Variants in CACNA1E observed in about 807,000 individuals in gnomAD.
The protein encoded by CACNA1E is calcium voltage-gated channel subunit alpha1 E.
In CACNA1E, 40 loss-of-function variants were observed where a neutral mutation model predicts 259.2. The observed-to-expected ratio is 0.15, with a 90% CI of 0.12 to 0.20. CACNA1E has a LOEUF of 0.20. CACNA1E is among the 10% of genes least tolerant of loss of function. The pLI, the probability that CACNA1E is intolerant of heterozygous loss-of-function variation, is 1.00. For synonymous variants in CACNA1E, 1,104 were observed against 1,138.5 expected, an observed-to-expected ratio of 0.97 and a Z score of 0.61; for missense variants, 1,874 against 3,040.1, an observed-to-expected ratio of 0.62 and a Z score of 9.02.
chr1:181,487,221 C>T (rs762863624), intron 1 of CACNA1E, among the ~76,000 whole-genome samples: 1 of 152,104 alleles, frequency 6.6e-6, no homozygotes, highest in East Asian at 1.9e-4. Context: ...TTCTATGTGC[C>T]GCATTAGTGG....
intron 6 of CACNA1E, among the ~76,000 whole-genome samples, chr1:181,635,270 G>A (rs1490602131): frequency 6.6e-6 from 1 of 152,174 alleles, no homozygotes; most frequent in African/African-American, 2.4e-5. Context: ...GGTCATCCTA[G>A]AGAAGGGGTT....
At chr1:181,578,240 G>C (rs1049365273) in intron 4 of CACNA1E, among the ~76,000 whole-genome samples, 1 of 152,044 alleles carries the variant, frequency 6.6e-6, no homozygotes, top group African/African-American at 2.4e-5. Context: ...CCTGAAATAA[G>C]TATTTTATTT....
At chr1:181,757,808 G>A in intron 30 of CACNA1E, 139 bp from the exon 31 acceptor site, 1 of 830,740 alleles carries the variant, frequency 1.2e-6, no homozygotes, top group African/African-American at 1.7e-5. Flanking sequence ...TTGTCCAAGT[G>A]ACCCCAGTTG....
At chr1:181,382,568 G>C (rs1232392917) in intron 1 of CACNA1E, among the ~76,000 whole-genome samples, 1 of 152,142 alleles carries the variant, frequency 6.6e-6, no homozygotes, top group Non-Finnish European at 1.5e-5. Context: ...GAATCTTGTT[G>C]ATGACCAAAT....
intron 3 of CACNA1E, among the ~76,000 whole-genome samples, chr1:181,563,468 A>G (rs1234155956): frequency 6.6e-6 from 1 of 152,166 alleles, no homozygotes; most frequent in Non-Finnish European, 1.5e-5. Context: ...CAACACTATG[A>G]GAAAGTAGAA....
intron 1 of CACNA1E, among the ~76,000 whole-genome samples, chr1:181,326,430 C>T (rs1650800772): frequency 6.6e-6 from 1 of 152,202 alleles, no homozygotes; most frequent in Admixed American, 6.5e-5. Context: ...GAGAGCGGAA[C>T]AGCCCTGAGA....
chr1:181,650,653 A>G (rs1459963158), intron 6 of CACNA1E, among the ~76,000 whole-genome samples: 1 of 152,224 alleles, frequency 6.6e-6, no homozygotes, highest in Non-Finnish European at 1.5e-5. Flanking sequence ...TGACCATTCA[A>G]GGGTCTTGCA....
intron 3 of CACNA1E, among the ~76,000 whole-genome samples, chr1:181,516,245 G>A (rs1423508577): frequency 6.6e-6 from 1 of 151,842 alleles, no homozygotes; most frequent in Non-Finnish European, 1.5e-5. Context: ...GGATGGGGTG[G>A]GGGTTGGAGG....
chr1:181,625,105 A>G (rs532977507), intron 6 of CACNA1E, among the ~76,000 whole-genome samples: 1 of 150,698 alleles, frequency 6.6e-6, no homozygotes, highest in South Asian at 2.1e-4. Flanking sequence ...TAAAATATTA[A>G]GGAAACCATG....
At chr1:181,354,134 G>A (rs1400520909) in intron 1 of CACNA1E, among the ~76,000 whole-genome samples, 1 of 147,992 alleles carries the variant, frequency 6.8e-6, no homozygotes, top group African/African-American at 2.6e-5. Flanking sequence ...AGCTGAATAA[G>A]GGCAGAGGAC....
At chr1:181,664,409 G>A (rs547248344) in intron 7 of CACNA1E, among the ~76,000 whole-genome samples, 1 of 152,294 alleles carries the variant, frequency 6.6e-6, no homozygotes, top group South Asian at 2.1e-4. Context: ...CCTCCATGGA[G>A]CTTATATTTT....
chr1:181,336,638 T>C (rs897488202), intron 1 of CACNA1E, among the ~76,000 whole-genome samples: 2 of 152,184 alleles, frequency 1.3e-5, no homozygotes, highest in African/African-American at 2.4e-5. Flanking sequence ...GTAATTCACA[T>C]TGTTGTGCAA....
At chr1:181,613,789 C>T (rs916025721) in intron 6 of CACNA1E, among the ~76,000 whole-genome samples, 6 of 152,076 alleles carry the variant, frequency 3.9e-5, no homozygotes, top group African/African-American at 1.2e-4. Flanking sequence ...TATTTTTTTC[C>T]CAAAATAGGG....
At chr1:181,609,263 G>T (rs1001425239) in intron 6 of CACNA1E, among the ~76,000 whole-genome samples, 2 of 152,162 alleles carry the variant, frequency 1.3e-5, no homozygotes, top group African/African-American at 2.4e-5. Flanking sequence ...AAGATGAACA[G>T]GAAATAAAAC....
intron 3 of CACNA1E, among the ~76,000 whole-genome samples, chr1:181,560,197 G>A (rs1427061443): frequency 2.6e-5 from 4 of 151,396 alleles, no homozygotes; most frequent in African/African-American, 9.7e-5. Flanking sequence ...AACTTCAGAA[G>A]GTTAGGAAGA....
intron 38 of CACNA1E, among the ~76,000 whole-genome samples, chr1:181,780,113 C>A (rs1256613291): frequency 6.6e-6 from 1 of 152,024 alleles, no homozygotes; most frequent in Non-Finnish European, 1.5e-5. Context: ...GGAATTAGGG[C>A]AAGAGGTGAG....
chr1:181,519,688 C>A (rs764095951), intron 3 of CACNA1E, among the ~76,000 whole-genome samples: 1 of 151,998 alleles, frequency 6.6e-6, no homozygotes, highest in Non-Finnish European at 1.5e-5. Flanking sequence ...TGTGTAATTC[C>A]AAATCTAGGA....
Position 181,758,051 on chromosome 1 carries a change from G to T in CACNA1E, c.4434G>T (p.Pro1478=), listed in dbSNP as rs766384673. The T allele has an allele frequency of 1.9e-5, 31 of 1,613,816 alleles. No individual in the cohort carries two copies. Among genetic ancestry groups the T allele is most frequent in the Non-Finnish European group, 1.9e-5 (22 of 1,179,820 alleles). ...GCGTGTGGCACTTTGTGGTGTCTCC[G>T]TCCTTTGAGTACACCATTATGGCCA... The part of the protein sequence containing the change: ...QYRVWHFVVS[P]SFEYTIMAMI... Residue 1478 remains proline (P), a synonymous_variant, in exon 31 of 48, where the codon CCG becomes CCT. Transcript: ENST00000367573. The surrounding 1 kb of genome is among the most constrained non-coding windows in gnomAD (Gnocchi z 4.2).
chr1:181,482,691 G>A (rs1363864183), upstream of CACNA1E, among the ~76,000 whole-genome samples: 2 of 152,244 alleles, frequency 1.3e-5, no homozygotes, highest in African/African-American at 4.8e-5. Context: ...GTGCTCCGCC[G>A]AGGGCGCTGC....
Sources: gnomAD v4.1 joint callset for allele counts (sites outside exome capture counted in the v4.1 genomes callset) on GRCh38, gnomAD v4.1.1 for gene constraint, Gnocchi (gnomAD v3.1) non-coding constraint, MANE v1.5 for transcripts, NCBI Gene and HGNC (gene_info 2026-07-23, HGNC 2026-07-21) for gene names.